Variants in LOC400499 observed in about 807,000 individuals in gnomAD.
At chr16:11,512,083 G>A in the LOC400499 span, among the ~76,000 whole-genome samples, 3 of 150,702 alleles carry the variant, frequency 2.0e-5, no homozygotes, top group East Asian at 5.9e-4. Flanking sequence ...GAAGTCAGGA[G>A]TTCCAGACCA....
At chr16:11,490,540 G>C in the LOC400499 span, among the ~76,000 whole-genome samples, 1 of 151,724 alleles carries the variant, frequency 6.6e-6, no homozygotes, top group Non-Finnish European at 1.5e-5. Flanking sequence ...TCTACTAAAA[G>C]AATACAAAAA....
chr16:11,479,053 C>G, the LOC400499 span, among the ~76,000 whole-genome samples: 1 of 152,134 alleles, frequency 6.6e-6, no homozygotes, highest in Admixed American at 6.5e-5. Context: ...GTAAATTGCC[C>G]AGTCCCTGGT....
chr16:11,493,417 C>A, the LOC400499 span, among the ~76,000 whole-genome samples: 191 of 152,154 alleles, frequency 1.3e-3, 2 homozygotes, highest in Non-Finnish European at 4.7e-4. Flanking sequence ...CTAGAGGGGG[C>A]ACAGATGGCA....
At chr16:11,516,048 G>T in the LOC400499 span, 170 of 399,192 alleles carry the variant, frequency 4.3e-4, no homozygotes, top group Middle Eastern at 3.7e-3. Context: ...GTAGGACATC[G>T]GCCCAGGATG....
the LOC400499 span, among the ~76,000 whole-genome samples, chr16:11,509,692 G>A: frequency 6.6e-3 from 1,010 of 151,974 alleles, 12 homozygotes; most frequent in African/African-American, 0.024. Flanking sequence ...TTAGCTGGGC[G>A]TGGTGGCAGG....
At chr16:11,383,433 A>T in the LOC400499 span, among the ~76,000 whole-genome samples, 1 of 152,178 alleles carries the variant, frequency 6.6e-6, no homozygotes, top group Non-Finnish European at 1.5e-5. Flanking sequence ...ACTCTTCACC[A>T]AACGGAGGGC....
chr16:11,399,215 A>G, the LOC400499 span: 1 of 983,446 alleles, frequency 1.0e-6, no homozygotes, highest in Non-Finnish European at 1.2e-6. Flanking sequence ...CTAGCATCCC[A>G]CCTTCTTCCC....
chr16:11,423,657 T>C, the LOC400499 span, among the ~76,000 whole-genome samples: 1 of 152,190 alleles, frequency 6.6e-6, no homozygotes, highest in African/African-American at 2.4e-5. Context: ...CCATGGACGG[T>C]TTAGCCACCC....
chr16:11,450,774 G>A, the LOC400499 span: 71 of 1,535,996 alleles, frequency 4.6e-5, no homozygotes, highest in Non-Finnish European at 5.9e-5. Context: ...AGTATAGCCT[G>A]TGAGCTGCAG....
the LOC400499 span, among the ~76,000 whole-genome samples, chr16:11,437,799 G>A: frequency 3.3e-5 from 5 of 152,112 alleles, no homozygotes; most frequent in Non-Finnish European, 7.4e-5. Context: ...AACCTGGGAG[G>A]CAGAGGTTGC....
chr16:11,447,752 G>A, the LOC400499 span, among the ~76,000 whole-genome samples: 177 of 152,206 alleles, frequency 1.2e-3, no homozygotes, highest in Non-Finnish European at 1.8e-3. Flanking sequence ...TGGAGGGGGC[G>A]AGGGATGTGG....
At chr16:11,399,617 T>A in the LOC400499 span, 1 of 398,596 alleles carries the variant, frequency 2.5e-6, no homozygotes, top group African/African-American at 2.1e-5. Context: ...GGGAAGAGAA[T>A]AGGGTACATG....
At chr16:11,443,185 G>T in the LOC400499 span, among the ~76,000 whole-genome samples, 1,355 of 151,840 alleles carry the variant, frequency 8.9e-3, 31 homozygotes, top group African/African-American at 0.031. Flanking sequence ...TTAGCCGGGT[G>T]TGGTCATGGG....
chr16:11,376,292 T>A, the LOC400499 span, among the ~76,000 whole-genome samples: 1 of 152,320 alleles, frequency 6.6e-6, no homozygotes, highest in Admixed American at 6.5e-5. Context: ...TCCTACTGTG[T>A]TTTAAGAGTT....
the LOC400499 span, among the ~76,000 whole-genome samples, chr16:11,511,010 T>C: frequency 6.6e-6 from 1 of 151,052 alleles, no homozygotes; most frequent in Non-Finnish European, 1.5e-5. Flanking sequence ...TTCTTTTTTT[T>C]TTTTTCAGAA....
At chr16:11,394,976 T>C in the LOC400499 span, among the ~76,000 whole-genome samples, 1 of 152,196 alleles carries the variant, frequency 6.6e-6, no homozygotes, top group Non-Finnish European at 1.5e-5. Flanking sequence ...GCAGGGTGCT[T>C]ACTAAACATG....
chr16:11,387,357 G>C, the LOC400499 span: 2 of 1,198,644 alleles, frequency 1.7e-6, no homozygotes, highest in African/African-American at 3.1e-5. Context: ...CTTGGCTGCA[G>C]AGGGGAGCTT....
chr16:11,502,323 A>C, the LOC400499 span: 1 of 395,584 alleles, frequency 2.5e-6, no homozygotes, highest in Non-Finnish European at 4.5e-6. Flanking sequence ...GCTGAGACCC[A>C]GTGAGATGAA....
At chr16:11,518,462 G>A in the LOC400499 span, among the ~76,000 whole-genome samples, 1 of 152,010 alleles carries the variant, frequency 6.6e-6, no homozygotes, top group Non-Finnish European at 1.5e-5. Flanking sequence ...AGTCGGGGAG[G>A]GGAAAAGGCA....
Sources: gnomAD v4.1 joint callset for allele counts (sites outside exome capture counted in the v4.1 genomes callset) on GRCh38, gnomAD v4.1.1 for gene constraint, MANE v1.5 for transcripts.